Variants in ROCK1 observed in about 807,000 individuals in gnomAD.
ROCK1 encodes the protein rho-associated protein kinase 1.
ROCK1 carries 36 observed loss-of-function variants against 196.8 expected under a neutral mutation model. The ratio of observed to expected loss-of-function variants is 0.18; its 90% CI spans 0.14 to 0.24. ROCK1 has a LOEUF of 0.24. Among genes scored for constraint, ROCK1 ranks in the 10% least tolerant of loss-of-function variants. The pLI, the probability that ROCK1 is intolerant of heterozygous loss-of-function variation, is 1.00. For missense variants in ROCK1, 920 were observed against 1,562.0 expected, an observed-to-expected ratio of 0.59 and a Z score of 6.93; for synonymous variants, 443 against 515.9, an observed-to-expected ratio of 0.86 and a Z score of 1.91.
intron 6 of ROCK1, among the ~76,000 whole-genome samples, chr18:21,043,406 T>A (rs1386644571): frequency 1.3e-5 from 2 of 151,940 alleles, no homozygotes; most frequent in East Asian, 3.9e-4. Context: ...GCATTATAAC[T>A]AAATGTTCAT....
At chr18:20,964,391 T>G (rs1395265970) in intron 27 of ROCK1, among the ~76,000 whole-genome samples, 1 of 152,184 alleles carries the variant, frequency 6.6e-6, no homozygotes, top group African/African-American at 2.4e-5. Context: ...AAACCTTAAC[T>G]TTATTTGCCA....
intron 22 of ROCK1, among the ~76,000 whole-genome samples, chr18:20,972,729 G>A (rs2035440971): frequency 6.6e-6 from 1 of 152,210 alleles, no homozygotes; most frequent in Non-Finnish European, 1.5e-5. Context: ...CACTGACCTT[G>A]AGAAGAGTTG....
intron 12 of ROCK1, among the ~76,000 whole-genome samples, chr18:21,018,134 T>G (rs750213063): frequency 2.0e-5 from 3 of 152,158 alleles, no homozygotes; most frequent in Non-Finnish European, 4.4e-5. Context: ...AGGTGATACT[T>G]TCATATGATT....
chr18:20,986,666 T>C (rs1284948172), intron 19 of ROCK1, among the ~76,000 whole-genome samples: 1 of 152,204 alleles, frequency 6.6e-6, no homozygotes, highest in Admixed American at 6.5e-5. Flanking sequence ...TTTTTTTCTT[T>C]AAAGCAGATG....
chr18:21,107,446 G>T (rs1406176037), intron 1 of ROCK1, among the ~76,000 whole-genome samples: 1 of 152,084 alleles, frequency 6.6e-6, no homozygotes, highest in Non-Finnish European at 1.5e-5. Flanking sequence ...AGAACTAAAG[G>T]ACTGCACGTG....
At chr18:21,049,322 G>T in intron 3 of ROCK1, 93 bp from the exon 4 acceptor site, 1 of 967,106 alleles carries the variant, frequency 1.0e-6, no homozygotes, top group Non-Finnish European at 1.4e-6. Context: ...TTTAATACTT[G>T]CTAAATAATT....
intron 26 of ROCK1, among the ~76,000 whole-genome samples, chr18:20,967,541 A>G (rs759944691): frequency 7.9e-5 from 12 of 152,212 alleles, no homozygotes; most frequent in Non-Finnish European, 1.3e-4. Flanking sequence ...TCTTGACTAG[A>G]GAAAATAAAT....
At chr18:21,068,722 A>G (rs540602707) in intron 2 of ROCK1, among the ~76,000 whole-genome samples, 17 of 152,222 alleles carry the variant, frequency 1.1e-4, no homozygotes, top group Admixed American at 3.3e-4. Flanking sequence ...TTTTGCTTCT[A>G]TTGTAAATGG....
chr18:21,074,823 G>A (rs2036415625), intron 1 of ROCK1, among the ~76,000 whole-genome samples: 1 of 152,182 alleles, frequency 6.6e-6, no homozygotes, highest in Admixed American at 6.5e-5. Flanking sequence ...TTATAAGTAG[G>A]TACTACATAA....
intron 9 of ROCK1, among the ~76,000 whole-genome samples, chr18:21,034,975 T>C (rs966334665): frequency 2.0e-5 from 3 of 152,080 alleles, no homozygotes; most frequent in African/African-American, 7.2e-5. Flanking sequence ...AGAACTTGAA[T>C]AGAAATCTCT....
At chr18:20,965,463 TATAC>T (rs1323793171) in intron 27 of ROCK1, among the ~76,000 whole-genome samples, 1 of 151,958 alleles carries the variant, frequency 6.6e-6, no homozygotes. Flanking sequence ...AGTAAGAATG[TATAC>T]ATACATACAT....
chr18:21,031,980 A>T (rs1397881734), intron 9 of ROCK1, among the ~76,000 whole-genome samples: 1 of 152,214 alleles, frequency 6.6e-6, no homozygotes, highest in African/African-American at 2.4e-5. Flanking sequence ...GACTAAGGAA[A>T]CTGTGGCATC....
At chr18:21,063,247 G>A (rs2036306960) in intron 2 of ROCK1, among the ~76,000 whole-genome samples, 2 of 151,930 alleles carry the variant, frequency 1.3e-5, no homozygotes, top group South Asian at 4.1e-4. Context: ...AATGAGTTTT[G>A]GTGGGGGCAT....
chr18:20,952,707 G>A (rs1315361895), intron 32 of ROCK1, among the ~76,000 whole-genome samples: 1 of 150,944 alleles, frequency 6.6e-6, no homozygotes, highest in East Asian at 2.0e-4. Flanking sequence ...CTTGGGAGGT[G>A]GAGGTTGCAG....
At chr18:21,016,666 C>T (rs1568384351) in intron 12 of ROCK1, among the ~76,000 whole-genome samples, 2 of 152,144 alleles carry the variant, frequency 1.3e-5, no homozygotes, top group Admixed American at 6.5e-5. Flanking sequence ...TACCAATTTG[C>T]TTCTCTTCTA....
At chr18:21,069,959 A>C (rs2036369904) in intron 2 of ROCK1, among the ~76,000 whole-genome samples, 1 of 152,056 alleles carries the variant, frequency 6.6e-6, no homozygotes, top group Non-Finnish European at 1.5e-5. Context: ...AGATATGACT[A>C]TTTAGAAAAA....
chr18:21,001,731 C>CTGTA (rs1053697383), intron 16 of ROCK1, among the ~76,000 whole-genome samples: 1 of 150,934 alleles, frequency 6.6e-6, no homozygotes, highest in African/African-American at 2.4e-5. Context: ...TGCCACTGCA[C>CTGTA]TGTAGCCTGG....
intron 6 of ROCK1, among the ~76,000 whole-genome samples, chr18:21,043,598 A>AATGT (rs1349842328): frequency 1.4e-5 from 2 of 144,066 alleles, no homozygotes; most frequent in Non-Finnish European, 1.5e-5. Context: ...ACATATACAT[A>AATGT]ATATGTATAT....
chr18:21,103,390 C>T (rs960398026), intron 1 of ROCK1, among the ~76,000 whole-genome samples: 1 of 151,940 alleles, frequency 6.6e-6, no homozygotes, highest in Non-Finnish European at 1.5e-5. Flanking sequence ...AAATCAAAGA[C>T]AATTTTTTGA....
Sources: allele counts gnomAD v4.1 joint callset (sites outside exome capture counted in the v4.1 genomes callset), GRCh38; gene constraint gnomAD v4.1.1; transcripts MANE v1.5; gene names NCBI Gene and HGNC (gene_info 2026-07-23, HGNC 2026-07-21).